Variants in KIRREL1 observed in about 807,000 individuals in gnomAD.
The protein encoded by KIRREL1 is kirre like nephrin family adhesion molecule 1.
In KIRREL1, 25 loss-of-function variants were observed where a neutral mutation model predicts 83.3. That is an observed-to-expected ratio of 0.30 (90% CI 0.22 to 0.42). KIRREL1 has a LOEUF of 0.42. Among genes scored for constraint, KIRREL1 ranks in the 10% least tolerant of loss-of-function variants. KIRREL1 has a pLI of 1.00. For synonymous variants in KIRREL1, 388 were observed against 410.4 expected (o/e 0.95, Z 0.66); for missense variants, 812 against 1,032.3 (o/e 0.79, Z 2.92).
At chr1:158,052,797 G>C (rs1260406598) in intron 1 of KIRREL1, among the ~76,000 whole-genome samples, 4 of 152,048 alleles carry the variant, frequency 2.6e-5, no homozygotes, top group Admixed American at 2.6e-4. Context: ...AAAAAAAAGA[G>C]AGAGAGATTT....
Position 158,010,331 on chromosome 1 carries a change from A to G in KIRREL1, c.52+16603A>G, listed in dbSNP as rs1659637798. Among the ~76,000 whole-genome samples, 4 of 134,804 alleles carry G rather than the reference A, an allele frequency of 3.0e-5. No individual in the cohort carries two copies. The South Asian group carries it at 9.4e-4, about 32-fold the overall frequency. 88.4% of individuals were successfully genotyped at this position (134,804 alleles called of 152,430 possible). On this transcript the variant is annotated intron_variant, in intron 1 of 14. Transcript: ENST00000359209. ...GAGCAGGAGTCCCCACCATAAACAC[A>G]CACACACACACACACACACACACAC...
intron 1 of KIRREL1, among the ~76,000 whole-genome samples, chr1:158,003,288 G>GC (rs1659419081): frequency 6.6e-6 from 1 of 152,152 alleles, no homozygotes; most frequent in Non-Finnish European, 1.5e-5. Flanking sequence ...GAGAGAGAAG[G>GC]CATTTCAAAG....
chr1:158,016,359 A>C (rs114306282), intron 1 of KIRREL1, among the ~76,000 whole-genome samples: 1 of 152,142 alleles, frequency 6.6e-6, no homozygotes, highest in African/African-American at 2.4e-5. Context: ...TAAACAAATA[A>C]TACAAATTGT....
At chr1:158,028,687 G>A (rs989326725) in intron 1 of KIRREL1, among the ~76,000 whole-genome samples, 14 of 152,096 alleles carry the variant, frequency 9.2e-5, no homozygotes, top group Non-Finnish European at 1.9e-4. Flanking sequence ...TTATGTAACT[G>A]AAAACTACAT....
rs896230979 is a variant in KIRREL1 at position 158,086,731 on chromosome 1, G to A, written c.646G>A (p.Glu216Lys). 1.1e-5 allele frequency: 17 copies of A among 1,551,364 alleles called. 1 individual carries two copies. Among genetic ancestry groups the A allele is most frequent in the South Asian group, 4.8e-5 (4 of 84,034 alleles). ...AIPSGKETSIELDVHHPPTVT... is the reference protein window; with the variant it reads ...AIPSGKETSIKLDVHHPPTVT... ...CCCTAGTGGCAAGGAGACTTCCATCGAGCTGGATGTGCACCGTGAGTGGGC... is the reference window on the plus strand; with the variant it reads ...CCCTAGTGGCAAGGAGACTTCCATCAAGCTGGATGTGCACCGTGAGTGGGC... The change falls in exon 5 of 15, where the codon GAG (glutamate) becomes AAG (lysine). Residue 216 changes from glutamate (E) to lysine (K), a missense_variant. Physicochemically the swap from Glu to Lys is moderately conservative, Grantham distance 56. Transcript: ENST00000359209.
intron 1 of KIRREL1, among the ~76,000 whole-genome samples, chr1:158,003,031 T>G (rs781517785): frequency 4.6e-5 from 7 of 152,166 alleles, no homozygotes; most frequent in Non-Finnish European, 1.0e-4. Context: ...CCAACAGAGC[T>G]GATTTCTAAA....
chr1:158,091,328 C>G (rs1190320272), intron 10 of KIRREL1, 30 bp from the exon 11 acceptor site: 2 of 1,604,346 alleles, frequency 1.2e-6, no homozygotes, highest in Middle Eastern at 1.7e-4. Flanking sequence ...CTGCCCCTTT[C>G]TTACCTTCTT....
At chr1:158,065,782 G>C (rs1661342327) in intron 1 of KIRREL1, among the ~76,000 whole-genome samples, 2 of 149,256 alleles carry the variant, frequency 1.3e-5, no homozygotes, top group African/African-American at 2.5e-5. Flanking sequence ...GATGAGGCCA[G>C]AGGGTGGGAA....
rs946434762 is a variant in KIRREL1, at chr1:158,030,115, A to T, written c.52+36387A>T. Among the ~76,000 whole-genome samples, 4 of 152,284 alleles carry T rather than the reference A, an allele frequency of 2.6e-5. No homozygotes were observed. In the East Asian group the frequency reaches 7.7e-4, roughly 29 times the overall value. ...TGAAGCCCAGAGAGATTAAATGGTT[A>T]CCTGAAGTTACCCACATGAAAGTGG... On this transcript the variant is annotated intron_variant, in intron 1 of 14. Coordinates refer to ENST00000359209, the MANE Select transcript of KIRREL1 (RefSeq NM_018240.7).
Position 158,026,866 on chromosome 1 carries a change from C to A in KIRREL1, c.52+33138C>A, listed in dbSNP as rs1443931316. On this transcript the variant is annotated intron_variant, in intron 1 of 14. Coordinates refer to ENST00000359209, the MANE Select transcript of KIRREL1 (RefSeq NM_018240.7). ...CAAACTGTTTTTCCTCTGCTCTGCA[C>A]CCCCCCACCCCCTACAACAGTCAAC... is the stretch of plus-strand genomic sequence containing the variant. Among the ~76,000 whole-genome samples, 4 of 151,996 alleles carry A rather than the reference C, an allele frequency of 2.6e-5. No individual in the cohort carries two copies. The East Asian group carries it at 5.8e-4, about 22-fold the overall frequency.
At chr1:158,028,062 C>T (rs1004888686) in intron 1 of KIRREL1, among the ~76,000 whole-genome samples, 2 of 152,184 alleles carry the variant, frequency 1.3e-5, no homozygotes, top group Non-Finnish European at 2.9e-5. Context: ...ACTCCTCCTC[C>T]GCTCTCCCAC....
intron 7 of KIRREL1, 38 bp downstream of exon 7, chr1:158,088,192 AG>A (rs763978312): frequency 1.0e-4 from 161 of 1,613,828 alleles, no homozygotes; most frequent in Non-Finnish European, 1.3e-4. Flanking sequence ...GACAGAGAGC[AG>A]GGGCCCCCAA....
At position 158,080,393 on chromosome 1, in the gene KIRREL1, G is replaced by A. The variant is rs117474144; in HGVS notation, c.352+2253G>A. ...TTCAATCCAGGAAGAACCTGGAAAA[G>A]GAGAATATCAAGGGGAACCCTAGAT... On this transcript the variant is annotated intron_variant, in intron 3 of 14. Transcript: ENST00000359209. Among the ~76,000 whole-genome samples the A allele has an allele frequency of 7.2e-4, 109 of 152,290 alleles. 3 individuals are homozygous for A. In the East Asian group the frequency reaches 0.019, roughly 26 times the overall value.
intron 1 of KIRREL1, among the ~76,000 whole-genome samples, chr1:158,028,563 G>A (rs1170380190): frequency 6.8e-6 from 1 of 147,766 alleles, no homozygotes; most frequent in Non-Finnish European, 1.5e-5. Flanking sequence ...AGGCATAGGG[G>A]CCATAGTTTC....
At chr1:157,994,288 G>T (rs1246578920) in intron 1 of KIRREL1, among the ~76,000 whole-genome samples, 1 of 152,134 alleles carries the variant, frequency 6.6e-6, no homozygotes. Flanking sequence ...GAAGGGAGGG[G>T]TGTCTCGGCG....
At chr1:158,047,060 C>T (rs142639883) in intron 1 of KIRREL1, among the ~76,000 whole-genome samples, 4 of 152,258 alleles carry the variant, frequency 2.6e-5, no homozygotes, top group African/African-American at 4.8e-5. Flanking sequence ...ACTCTCCTCA[C>T]GTGCTTAAAG....
chr1:158,079,084 G>A (rs1242148067), intron 3 of KIRREL1, among the ~76,000 whole-genome samples: 2 of 152,138 alleles, frequency 1.3e-5, no homozygotes, highest in Non-Finnish European at 2.9e-5. Flanking sequence ...TGTGCTTTCT[G>A]TCTTGGGCTT....
At chr1:158,007,629 G>C (rs1659557450) in intron 1 of KIRREL1, among the ~76,000 whole-genome samples, 1 of 152,068 alleles carries the variant, frequency 6.6e-6, no homozygotes, top group Non-Finnish European at 1.5e-5. Flanking sequence ...GTGTGTCTGG[G>C]GGGAGAGTGC....
At chr1:158,085,264 G>A (rs561419430) in intron 4 of KIRREL1, among the ~76,000 whole-genome samples, 9 of 152,324 alleles carry the variant, frequency 5.9e-5, no homozygotes, top group African/African-American at 1.9e-4. Context: ...GTAAACATAT[G>A]TGTATTCAGC....
Sources: gnomAD v4.1 joint callset for allele counts (sites outside exome capture counted in the v4.1 genomes callset) on GRCh38, gnomAD v4.1.1 for gene constraint, MANE v1.5 for transcripts, NCBI Gene and HGNC (gene_info 2026-07-23, HGNC 2026-07-21) for gene names.